Variants in PRDM1 observed in about 807,000 individuals in gnomAD.
PRDM1 encodes the protein PR domain zinc finger protein 1.
PRDM1 carries 13 observed loss-of-function variants against 62.8 expected under a neutral mutation model. The ratio of observed to expected loss-of-function variants is 0.21; its 90% CI spans 0.13 to 0.33. PRDM1 has a LOEUF of 0.33. PRDM1 is among the 10% of genes least tolerant of loss of function. The probability of loss-of-function intolerance (pLI) is 1.00; values close to 1 mark genes in which losing one functional copy is unlikely to be tolerated. For missense variants in PRDM1, 895 were observed against 1,058.8 expected (o/e 0.85, Z 2.15); for synonymous variants, 396 against 417.6 (o/e 0.95, Z 0.63).
chr6:106,038,045 C>G, intron 1 of PRDM1, among the ~76,000 whole-genome samples: 1 of 9,666 alleles, frequency 1.0e-4, no homozygotes, highest in East Asian at 2.4e-3. Context: ...GAGACAGAGT[C>G]TCACTCTGTC....
intron 1 of PRDM1, among the ~76,000 whole-genome samples, chr6:106,011,863 A>C (rs73516754): frequency 0.27 from 40,471 of 151,730 alleles, 5,944 homozygotes; most frequent in Non-Finnish European, 0.34. Context: ...ACAGTACACA[A>C]GTACCACAGC....
At chr6:106,052,693 G>T (rs530310040) in intron 1 of PRDM1, among the ~76,000 whole-genome samples, 1 of 151,966 alleles carries the variant, frequency 6.6e-6, no homozygotes, top group East Asian at 1.9e-4. Context: ...TGGTCATGCC[G>T]GGCGTGGGGT....
At chr6:106,026,788 A>G (rs888714805) in intron 1 of PRDM1, among the ~76,000 whole-genome samples, 2 of 152,240 alleles carry the variant, frequency 1.3e-5, no homozygotes, top group African/African-American at 2.4e-5. Context: ...ATAGAATAAG[A>G]ATGAATGCAG....
At chr6:106,004,984 A>G (rs561942241) in intron 1 of PRDM1, among the ~76,000 whole-genome samples, 60 of 152,354 alleles carry the variant, frequency 3.9e-4, no homozygotes, top group Non-Finnish European at 7.3e-4. Context: ...CTTCTAGTAC[A>G]TGATTCTTCT....
At chr6:106,011,197 C>T (rs1347954287) in intron 1 of PRDM1, among the ~76,000 whole-genome samples, 1 of 151,974 alleles carries the variant, frequency 6.6e-6, no homozygotes, top group African/African-American at 2.4e-5. Flanking sequence ...TAGATATTAC[C>T]GAAGATGTAC....
chr6:106,051,326 C>T (rs1773170699), intron 1 of PRDM1, among the ~76,000 whole-genome samples: 1 of 152,208 alleles, frequency 6.6e-6, no homozygotes, highest in Non-Finnish European at 1.5e-5. Context: ...GGTCTTCTGC[C>T]CCCGCAGACC....
At chr6:106,066,494 T>C (rs918430996) in intron 1 of PRDM1, among the ~76,000 whole-genome samples, 6 of 152,216 alleles carry the variant, frequency 3.9e-5, no homozygotes, top group Non-Finnish European at 8.8e-5. Context: ...CAGAGCAGGT[T>C]GGATTTTAGA....
At position 106,086,606 on chromosome 6, in the gene PRDM1, T is replaced by A. The variant is rs1305405153; in HGVS notation, c.42+11T>A. 6.5e-7 allele frequency: 1 copy of A among 1,548,002 alleles called. No individual in the cohort carries two copies. Among genetic ancestry groups the A allele is most frequent in the Admixed American group, 2.0e-5 (1 of 50,614 alleles). Reference sequence around the variant, plus strand: ...GTGGGTACGACCTTGGTAAGGAACTTGAATTTTTTTTTTTTAATTCTGAAA... The same window carrying A: ...GTGGGTACGACCTTGGTAAGGAACTAGAATTTTTTTTTTTTAATTCTGAAA... On this transcript the variant is annotated intron_variant, in intron 1 of 6. Transcript: ENST00000369096.
intron 2 of PRDM1, among the ~76,000 whole-genome samples, chr6:106,089,166 T>C (rs1286374263): frequency 1.3e-5 from 2 of 152,200 alleles, no homozygotes; most frequent in African/African-American, 4.8e-5. Flanking sequence ...ACCTTTAATA[T>C]AAAGATTATA....
At chr6:106,085,377 T>C (rs1050254728), upstream of PRDM1, among the ~76,000 whole-genome samples, 4 of 152,382 alleles carry the variant, frequency 2.6e-5, no homozygotes, top group South Asian at 2.1e-4. Context: ...ATAAACATTG[T>C]TTCTCTGAAT....
chr6:106,019,580 T>C lies in PRDM1; in HGVS notation c.-67+25941T>C, dbSNP rs956647495. 2.0e-5 allele frequency among the ~76,000 whole-genome samples: 3 copies of C among 151,516 alleles called. No homozygotes were observed. In the East Asian group the frequency reaches 5.8e-4, roughly 29 times the overall value. On this transcript the variant is annotated intron_variant, in intron 1 of 6. Coordinates refer to the PRDM1 transcript ENST00000652320. Reference sequence around the variant, plus strand: ...ATTTTCTATATTGGATATCAACCCCTAATTAATAAGTGATGCACACTATGT... The same window carrying C: ...ATTTTCTATATTGGATATCAACCCCCAATTAATAAGTGATGCACACTATGT...
At chr6:106,031,344 G>A (rs1321620298) in intron 1 of PRDM1, among the ~76,000 whole-genome samples, 8 of 152,178 alleles carry the variant, frequency 5.3e-5, no homozygotes, top group Non-Finnish European at 1.0e-4. Context: ...GATCTTCAGG[G>A]ATGACCCAGC....
chr6:106,063,975 G>A (rs1582446238), intron 1 of PRDM1, among the ~76,000 whole-genome samples: 1 of 152,262 alleles, frequency 6.6e-6, no homozygotes, highest in Middle Eastern at 3.4e-3. Context: ...TCTGCAAAGG[G>A]TAATAATGCC....
chr6:106,106,397 A>G lies in PRDM1; in HGVS notation c.1800A>G (p.Glu600=). 1 of 1,614,192 alleles carries G rather than the reference A, an allele frequency of 6.2e-7. No individual in the cohort carries two copies. The highest frequency in any genetic ancestry group is 8.5e-7 in the Non-Finnish European group (1 of 1,180,036). ...LKVHLRVHSG[E]RPFKCQTCNK... ...TCCACCTGAGAGTGCACAGTGGAGA[A>G]CGGCCTTTCAAATGTCAGACTTGCA... The change falls in exon 6 of 7, where the codon GAA becomes GAG. Residue 600 remains glutamate (E), a synonymous_variant. Coordinates refer to ENST00000369096, the MANE Select transcript of PRDM1 (RefSeq NM_001198.4). The surrounding 1 kb of genome is among the most constrained non-coding windows in gnomAD (Gnocchi z 4.4).
chr6:106,007,469 AT>A (rs1772497332), intron 1 of PRDM1, among the ~76,000 whole-genome samples: 2 of 148,428 alleles, frequency 1.3e-5, no homozygotes, highest in African/African-American at 4.9e-5. Flanking sequence ...GGCAACTGTC[AT>A]TTTTGTTACA....
intron 1 of PRDM1, among the ~76,000 whole-genome samples, chr6:105,993,942 G>A (rs779522303): frequency 2.0e-5 from 3 of 152,226 alleles, no homozygotes; most frequent in Non-Finnish European, 2.9e-5. Flanking sequence ...AAGGGTAAAT[G>A]AATTGCAGAG....
chr6:106,090,833 T>C (rs1476453876), intron 2 of PRDM1, among the ~76,000 whole-genome samples: 21 of 152,184 alleles, frequency 1.4e-4, no homozygotes, highest in Admixed American at 1.4e-3. Context: ...GGAATTTTTT[T>C]TTTACAAGAC....
In PRDM1 at chr6:106,095,608, T is replaced by C. The variant is rs1774092120; in HGVS notation, c.292-7T>C. On this transcript the variant is annotated splice_region_variant and splice_polypyrimidine_tract_variant and intron_variant, in intron 2 of 6. Coordinates refer to ENST00000369096, the MANE Select transcript of PRDM1 (RefSeq NM_001198.4). ...AGTAATTGTTTCCTGTGTTTTTTCCTGTTTAGGTTATTGGAGTGATGAGTA... is the reference window on the plus strand; with the variant it reads ...AGTAATTGTTTCCTGTGTTTTTTCCCGTTTAGGTTATTGGAGTGATGAGTA... 2 of 1,610,926 alleles carry C rather than the reference T, an allele frequency of 1.2e-6. No homozygotes were observed. Among genetic ancestry groups the C allele is most frequent in the South Asian group, 1.1e-5 (1 of 90,446 alleles).
intron 1 of PRDM1, among the ~76,000 whole-genome samples, chr6:106,038,263 G>C (rs1387712853): frequency 6.6e-6 from 1 of 151,810 alleles, no homozygotes; most frequent in Non-Finnish European, 1.5e-5. Flanking sequence ...GGGATTATAG[G>C]CGTGAGCCAC....
Sources: allele counts gnomAD v4.1 joint callset (sites outside exome capture counted in the v4.1 genomes callset), GRCh38; gene constraint gnomAD v4.1.1; non-coding constraint Gnocchi (gnomAD v3.1); transcripts MANE v1.5; gene names NCBI Gene and HGNC (gene_info 2026-07-23, HGNC 2026-07-21).